FOXK1: variants seen among roughly 807,000 people sequenced by gnomAD.
The protein encoded by FOXK1 is forkhead box protein K1.
FOXK1 carries 19 observed loss-of-function variants against 51.9 expected under a neutral mutation model. The ratio of observed to expected loss-of-function variants is 0.37; its 90% CI spans 0.26 to 0.54. The LOEUF is 0.54. FOXK1 is among the 20% of genes least tolerant of loss of function. The pLI, the probability that FOXK1 is intolerant of heterozygous loss-of-function variation, is 0.87. For missense variants in FOXK1, 870 were observed against 1,032.7 expected (o/e 0.84, Z 2.16); for synonymous variants, 537 against 482.6 (o/e 1.11, Z -1.48).
In FOXK1 at chr7:4,747,914, C is replaced by T. The variant is rs1169179877; in HGVS notation, c.747-6545C>T. ...AGGCCGGAGTGCAGTGGTCCGGTCA[C>T]GGCTCGCTGCAGCCTCGACCTCCGG... On this transcript the variant is annotated intron_variant, in intron 2 of 8. Coordinates refer to ENST00000328914, the MANE Select transcript of FOXK1 (RefSeq NM_001037165.2). This position sits in a 1 kb window ranked among gnomAD's most constrained non-coding sequence, Gnocchi z 9.2. 2.0e-5 allele frequency among the ~76,000 whole-genome samples: 3 copies of T among 152,144 alleles called. No individual in the cohort carries two copies. Among genetic ancestry groups the T allele is most frequent in the East Asian group, 1.9e-4 (1 of 5,196 alleles).
At position 4,709,198 on chromosome 7, in the gene FOXK1, C is replaced by T. The variant is rs77529511; in HGVS notation, c.560+26330C>T. 0.013 allele frequency among the ~76,000 whole-genome samples: 1,992 copies of T among 152,284 alleles called. 57 individuals carry two copies. The highest frequency in any genetic ancestry group is 0.046 in the African/African-American group (1,907 of 41,556). On this transcript the variant is annotated intron_variant, in intron 1 of 8. Transcript: ENST00000328914. This position sits in a 1 kb window ranked among gnomAD's most constrained non-coding sequence, Gnocchi z 5.6. ...ACTGGGGGCCCGAGGCCCCAGGATA[C>T]CCCCGTGCCTTACCCACGCTATTTG...
intron 1 of FOXK1, among the ~76,000 whole-genome samples, chr7:4,718,823 G>T (rs969820955): frequency 6.6e-6 from 1 of 152,086 alleles, no homozygotes; most frequent in Non-Finnish European, 1.5e-5. Context: ...TTGTTTGTTT[G>T]TTTGAGACGG....
At position 4,683,521 on chromosome 7, in the gene FOXK1, C is replaced by T. The variant is rs957597544; in HGVS notation, c.560+653C>T. On this transcript the variant is annotated intron_variant, in intron 1 of 8. Coordinates refer to ENST00000328914, the MANE Select transcript of FOXK1 (RefSeq NM_001037165.2). This position sits in a 1 kb window ranked among gnomAD's most constrained non-coding sequence, Gnocchi z 4.5. The stretch of plus-strand genomic sequence containing the variant: ...CACCCAGCTGGGTTACTGAGGTCAC[C>T]TTGACCCCAGTCCCTGCTGCCTGGG... Among the ~76,000 whole-genome samples, 20 of 152,104 alleles carry T rather than the reference C, an allele frequency of 1.3e-4. No homozygotes were observed. Among genetic ancestry groups the T allele is most frequent in the African/African-American group, 3.9e-4 (16 of 41,516 alleles).
At chr7:4,726,763 C>T (rs879369117) in intron 1 of FOXK1, among the ~76,000 whole-genome samples, 5 of 152,180 alleles carry the variant, frequency 3.3e-5, no homozygotes, top group Non-Finnish European at 5.9e-5. Flanking sequence ...CTTCTCTTTT[C>T]GCCCACTCTA....
intron 1 of FOXK1, among the ~76,000 whole-genome samples, chr7:4,704,184 C>T (rs939870371): frequency 2.0e-5 from 3 of 152,034 alleles, no homozygotes; most frequent in African/African-American, 4.8e-5. Flanking sequence ...GGCGTGGTGG[C>T]GCACACCTGT....
Position 4,762,512 on chromosome 7 carries a change from A to C in FOXK1, c.*48A>C, listed in dbSNP as rs1200316161. On this transcript the variant is annotated 3_prime_UTR_variant, in exon 9 of 9. Coordinates refer to ENST00000328914, the MANE Select transcript of FOXK1 (RefSeq NM_001037165.2). This position sits in a 1 kb window ranked among gnomAD's most constrained non-coding sequence, Gnocchi z 5.7. ...TGGGACTCACCCAGCGGCGACCCCG[A>C]AGCTGGACCCGGCAGCTCAGGCGGC... 2 of 1,502,574 alleles carry C rather than the reference A, an allele frequency of 1.3e-6. No homozygotes were observed. The highest frequency in any genetic ancestry group is 5.0e-5 in the East Asian group (2 of 40,106). The allele number at this position is 1,502,574 out of a possible 1,614,324, so 93.1% of individuals were successfully genotyped here.
chr7:4,684,550 A>G (rs917846876), intron 1 of FOXK1, among the ~76,000 whole-genome samples: 2 of 152,122 alleles, frequency 1.3e-5, no homozygotes, highest in African/African-American at 4.8e-5. Context: ...TCTTTGCCTC[A>G]GATATTAGTG....
At position 4,749,109 on chromosome 7, in the gene FOXK1, T is replaced by G. The variant is rs376359946; in HGVS notation, c.747-5350T>G. ...TTTCTCCAGTCTCTCCTTCCACCCTTTCTTGGATTTGTATTTCTCTTCTTT... is the reference window on the plus strand; with the variant it reads ...TTTCTCCAGTCTCTCCTTCCACCCTGTCTTGGATTTGTATTTCTCTTCTTT... On this transcript the variant is annotated intron_variant, in intron 2 of 8. Coordinates refer to ENST00000328914, the MANE Select transcript of FOXK1 (RefSeq NM_001037165.2). This position sits in a 1 kb window ranked among gnomAD's most constrained non-coding sequence, Gnocchi z 6.0. Among the ~76,000 whole-genome samples the G allele has an allele frequency of 1.2e-4, 19 of 152,310 alleles. No homozygotes were observed. The highest frequency in any genetic ancestry group is 4.6e-4 in the African/African-American group (19 of 41,574).
At chr7:4,728,748 A>AAG (rs1554252120) in intron 1 of FOXK1, among the ~76,000 whole-genome samples, 20 of 148,848 alleles carry the variant, frequency 1.3e-4, no homozygotes, top group Admixed American at 8.9e-4. Context: ...AAAAAAAAAA[A>AAG]AAAGAAAGAA....
At chr7:4,705,322 G>A (rs1056102329) in intron 1 of FOXK1, among the ~76,000 whole-genome samples, 4 of 151,934 alleles carry the variant, frequency 2.6e-5, no homozygotes, top group African/African-American at 7.3e-5. Flanking sequence ...CCAGTAGCTG[G>A]GACTACAGGC....
rs570825879 is a variant in FOXK1 at position 4,731,774 on chromosome 7, A to G, written c.561-9064A>G. Among the ~76,000 whole-genome samples, 36 of 152,058 alleles carry G rather than the reference A, an allele frequency of 2.4e-4. No individual in the cohort carries two copies. Among genetic ancestry groups the G allele is most frequent in the Admixed American group, 1.6e-3 (24 of 15,286 alleles). The stretch of plus-strand genomic sequence containing the variant: ...ACTCTGCCTCAAAAAAAAAAAAAAA[A>G]AAAGAAAACAGAGAGGCCTGCTTAT... On this transcript the variant is annotated intron_variant, in intron 1 of 8. Coordinates refer to ENST00000328914, the MANE Select transcript of FOXK1 (RefSeq NM_001037165.2). This position sits in a 1 kb window ranked among gnomAD's most constrained non-coding sequence, Gnocchi z 5.3.
intron 1 of FOXK1, among the ~76,000 whole-genome samples, chr7:4,728,794 T>A (rs1180520205): frequency 3.8e-5 from 5 of 131,450 alleles, no homozygotes; most frequent in Non-Finnish European, 4.8e-5. Context: ...GGCATGAGAG[T>A]GAGCCAGGGA....
At chr7:4,706,817 T>C (rs1389527651) in intron 1 of FOXK1, among the ~76,000 whole-genome samples, 1 of 152,208 alleles carries the variant, frequency 6.6e-6, no homozygotes, top group East Asian at 1.9e-4. Flanking sequence ...GGAGTTGGGC[T>C]GACCTTCCTT....
chr7:4,686,812 C>A (rs1310132756), intron 1 of FOXK1, among the ~76,000 whole-genome samples: 4 of 149,712 alleles, frequency 2.7e-5, no homozygotes, highest in Non-Finnish European at 5.9e-5. Context: ...CCTAAAAGGA[C>A]CATGAGCCTG....
At chr7:4,687,777 G>A (rs934504255) in intron 1 of FOXK1, among the ~76,000 whole-genome samples, 3 of 152,210 alleles carry the variant, frequency 2.0e-5, no homozygotes, top group African/African-American at 7.2e-5. Flanking sequence ...TAATTACAAT[G>A]AGAACAAGAC....
chr7:4,748,029 C>T lies in FOXK1; in HGVS notation c.747-6430C>T, dbSNP rs940819628. Among the ~76,000 whole-genome samples, 11 of 152,160 alleles carry T rather than the reference C, an allele frequency of 7.2e-5. No homozygotes were observed. The highest frequency in any genetic ancestry group is 2.4e-4 in the African/African-American group (10 of 41,430). On this transcript the variant is annotated intron_variant, in intron 2 of 8. Coordinates refer to ENST00000328914, the MANE Select transcript of FOXK1 (RefSeq NM_001037165.2). The surrounding 1 kb of genome is among the most constrained non-coding windows in gnomAD (Gnocchi z 4.9). Reference sequence around the variant, plus strand: ...ATAGCTTCCCAGCATTTTACAATGTCGGATTTATCTTAAAGGAACACATTC... The same window carrying T: ...ATAGCTTCCCAGCATTTTACAATGTTGGATTTATCTTAAAGGAACACATTC...
rs542380666 is a variant in FOXK1, at chr7:4,699,616, C to G, written c.560+16748C>G. On this transcript the variant is annotated intron_variant, in intron 1 of 8. Coordinates refer to ENST00000328914, the MANE Select transcript of FOXK1 (RefSeq NM_001037165.2). ...CTCCTGGCCTCAAGTGATCCACCCA[C>G]CTCAGGCTTCCACAGTGCCGGGATT... Among the ~76,000 whole-genome samples the G allele has an allele frequency of 6.1e-4, 93 of 152,246 alleles. 1 individual carries two copies. The highest frequency in any genetic ancestry group is 2.2e-3 in the African/African-American group (90 of 41,540).
chr7:4,746,556 C>T (rs1324177538), intron 2 of FOXK1, among the ~76,000 whole-genome samples: 1 of 151,844 alleles, frequency 6.6e-6, no homozygotes, highest in Non-Finnish European at 1.5e-5. Flanking sequence ...GGTGCAGTGG[C>T]TCATGTCTTT....
Position 4,766,224 on chromosome 7 carries a change from C to T in FOXK1, c.*3760C>T, listed in dbSNP as rs960272986. On this transcript the variant is annotated 3_prime_UTR_variant, in exon 9 of 9. Coordinates refer to ENST00000328914, the MANE Select transcript of FOXK1 (RefSeq NM_001037165.2). The surrounding 1 kb of genome is among the most constrained non-coding windows in gnomAD (Gnocchi z 5.5). The stretch of plus-strand genomic sequence containing the variant: ...AACGTTAATCCCTCACCAGTCGGGC[C>T]GAGTGTGGCCTCATGGTTCTGCCGC... The T allele has an allele frequency of 3.9e-5, 6 of 152,218 alleles. No homozygotes were observed. Among genetic ancestry groups the T allele is most frequent in the African/African-American group, 7.2e-5 (3 of 41,442 alleles). 9.4% of individuals were successfully genotyped at this position (152,218 alleles called of 1,614,324 possible).
Sources: allele counts gnomAD v4.1 joint callset (sites outside exome capture counted in the v4.1 genomes callset), GRCh38; gene constraint gnomAD v4.1.1; non-coding constraint Gnocchi (gnomAD v3.1); transcripts MANE v1.5; gene names NCBI Gene and HGNC (gene_info 2026-07-23, HGNC 2026-07-21).